ASRGL1: variants seen among roughly 807,000 people sequenced by gnomAD.
ASRGL1 encodes asparaginase and isoaspartyl peptidase 1, also known as isoaspartyl peptidase/L-asparaginase.
A neutral mutation model predicts 22.4 loss-of-function variants in ASRGL1; 16 were observed. That is an observed-to-expected ratio of 0.71 (90% CI 0.48 to 1.08). The LOEUF (loss-of-function observed/expected upper bound fraction) is 1.08, where lower values mean the gene tolerates loss of function less well. Ranked by LOEUF, ASRGL1 falls within the 50% of genes least tolerant of loss-of-function variation. ASRGL1 has a pLI of 0.00. For missense variants in ASRGL1, 412 were observed against 410.1 expected (o/e 1.00, Z -0.04); for synonymous variants, 165 against 159.3 (o/e 1.04, Z -0.27).
chr11:62,396,640 C>A (rs918046484), downstream of ASRGL1, among the ~76,000 whole-genome samples: 7 of 152,192 alleles, frequency 4.6e-5, no homozygotes, highest in Non-Finnish European at 1.0e-4. Flanking sequence ...GAAAGACCAG[C>A]ACACATGGAC....
rs148009600 is a variant in ASRGL1, at chr11:62,348,415, G to T, written c.191-7910G>T. Among the ~76,000 whole-genome samples, 1,247 of 152,142 alleles carry T rather than the reference G, an allele frequency of 8.2e-3. 10 individuals are homozygous for T. Among genetic ancestry groups the T allele is most frequent in the Non-Finnish European group, 0.013 (893 of 67,990 alleles). Reference sequence around the variant, plus strand: ...ATTGGGGCAGAGATGAAATGAAAGGGGGTCATGGCCGGGCGTGGTGACTCA... The same window carrying T: ...ATTGGGGCAGAGATGAAATGAAAGGTGGTCATGGCCGGGCGTGGTGACTCA... On this transcript the variant is annotated intron_variant, in intron 2 of 6. Coordinates refer to ENST00000415229, the MANE Select transcript of ASRGL1 (RefSeq NM_001083926.2).
chr11:62,356,591 G>A, intron 3 of ASRGL1, 124 bp downstream of exon 3: 1 of 1,227,510 alleles, frequency 8.1e-7, no homozygotes, highest in Non-Finnish European at 1.1e-6. Flanking sequence ...CAAAACAGAT[G>A]CAATGTATTT....
At chr11:62,382,955 G>A (rs950051346) in intron 4 of ASRGL1, 1 of 152,280 alleles carries the variant, frequency 6.6e-6, no homozygotes, top group Admixed American at 6.5e-5. Context: ...CTGCGACACA[G>A]GGTTGGGGTA....
At chr11:62,389,976 ACT>A (rs1367566518) in intron 5 of ASRGL1, 3 of 152,464 alleles carry the variant, frequency 2.0e-5, no homozygotes, top group Non-Finnish European at 4.4e-5. Context: ...AATAATCTAC[ACT>A]CTCGACAATT....
intron 4 of ASRGL1, among the ~76,000 whole-genome samples, chr11:62,361,219 TCTTA>T (rs748373183): frequency 6.3e-4 from 96 of 152,230 alleles, no homozygotes; most frequent in Admixed American, 1.5e-3. Context: ...TGAGACAAGG[TCTTA>T]CTTTGTCACC....
chr11:62,377,642 T>G (rs1036585398), intron 4 of ASRGL1, among the ~76,000 whole-genome samples: 1 of 152,168 alleles, frequency 6.6e-6, no homozygotes, highest in East Asian at 1.9e-4. Flanking sequence ...GGGTAATGAT[T>G]ATCAGTAATT....
chr11:62,357,273 G>A (rs5017020), intron 4 of ASRGL1, 129 bp downstream of exon 4: 172 of 518,262 alleles, frequency 3.3e-4, no homozygotes, highest in Non-Finnish European at 4.5e-4. Flanking sequence ...TGTTTGACAC[G>A]GAGTCTCTCT....
At chr11:62,372,615 T>A (rs1385271960) in intron 4 of ASRGL1, 4 of 880,962 alleles carry the variant, frequency 4.5e-6, no homozygotes, top group Admixed American at 1.7e-5. Context: ...AGACGTGGCC[T>A]GTGGCGCTAA....
At chr11:62,399,792 G>A in the ASRGL1 span, among the ~76,000 whole-genome samples, 362 of 152,318 alleles carry the variant, frequency 2.4e-3, no homozygotes, top group Non-Finnish European at 3.7e-3. Context: ...AGCAGCATCA[G>A]GACTAAGCTG....
intron 4 of ASRGL1, among the ~76,000 whole-genome samples, chr11:62,384,483 A>G (rs75278253): frequency 0.28 from 43,253 of 151,920 alleles, 6,290 homozygotes; most frequent in South Asian, 0.36. Flanking sequence ...CAGCTTGGGC[A>G]AAAGAGCAAG....
intron 4 of ASRGL1, among the ~76,000 whole-genome samples, chr11:62,386,437 CTT>C (rs1683152572): frequency 1.5e-5 from 1 of 68,382 alleles, no homozygotes; most frequent in South Asian, 6.0e-4. Context: ...ATCAATTAAA[CTT>C]TATCATAGAT....
chr11:62,377,375 C>T (rs1339494300), intron 4 of ASRGL1, among the ~76,000 whole-genome samples: 1 of 152,120 alleles, frequency 6.6e-6, no homozygotes, highest in African/African-American at 2.4e-5. Flanking sequence ...GTAGCCTGTA[C>T]TACATATGCA....
chr11:62,371,467 G>T lies in ASRGL1; in HGVS notation c.491+14323G>T, dbSNP rs920031133. On this transcript the variant is annotated intron_variant, in intron 4 of 6. Coordinates refer to ENST00000415229, the MANE Select transcript of ASRGL1 (RefSeq NM_001083926.2). ...TTACTCAAGGTTTAATGGATTTAGG[G>T]CTGTGCAGGCTGTGCTTTGTTAAAA... The T allele has an allele frequency of 2.6e-5, 16 of 618,838 alleles. No homozygotes were observed. In the South Asian group the frequency reaches 2.9e-4, roughly 11 times the overall value. The allele number at this position is 618,838 out of a possible 1,614,324, so 38.3% of individuals were successfully genotyped here. A position where few individuals can be genotyped will look rare whatever the true frequency, so the allele number is the denominator to read the frequency against.
At chr11:62,368,984 A>G (rs553887179) in intron 4 of ASRGL1, among the ~76,000 whole-genome samples, 16 of 152,228 alleles carry the variant, frequency 1.1e-4, no homozygotes, top group South Asian at 4.1e-4. Flanking sequence ...TCTTATTACA[A>G]CTGCAAAGAG....
chr11:62,388,002 A>G (rs1423711550), intron 4 of ASRGL1, among the ~76,000 whole-genome samples: 2 of 152,160 alleles, frequency 1.3e-5, no homozygotes, highest in African/African-American at 4.8e-5. Flanking sequence ...TGCAAACATC[A>G]TAGGGGTGCA....
chr11:62,360,330 C>CTT (rs370345429), intron 4 of ASRGL1, among the ~76,000 whole-genome samples: 3 of 142,852 alleles, frequency 2.1e-5, no homozygotes, highest in East Asian at 4.0e-4. Context: ...GCCCGGCCAA[C>CTT]TTTTTTTTTT....
downstream of ASRGL1, among the ~76,000 whole-genome samples, chr11:62,395,663 T>C (rs1232904860): frequency 6.6e-6 from 1 of 150,432 alleles, no homozygotes; most frequent in Non-Finnish European, 1.5e-5. Flanking sequence ...GAAGGGACAC[T>C]CGTTCTTCCC....
chr11:62,372,767 C>T (rs1265008836), intron 4 of ASRGL1: 41 of 1,560,546 alleles, frequency 2.6e-5, no homozygotes, highest in Non-Finnish European at 3.4e-5. Flanking sequence ...ATGGGGCTTC[C>T]CAGATCTATG....
chr11:62,389,450 G>A (rs1341592364), intron 5 of ASRGL1, 199 bp downstream of exon 5: 14 of 666,972 alleles, frequency 2.1e-5, no homozygotes, highest in Non-Finnish European at 3.3e-5. Flanking sequence ...TGTATCTGGC[G>A]CCACTGTTTT....
Sources: allele counts gnomAD v4.1 joint callset (sites outside exome capture counted in the v4.1 genomes callset), GRCh38; gene constraint gnomAD v4.1.1; transcripts MANE v1.5; gene names NCBI Gene and HGNC (gene_info 2026-07-23, HGNC 2026-07-21).